KMO: variants seen among roughly 807,000 people sequenced by gnomAD.
KMO encodes the protein kynurenine 3-hydroxylase.
Under a neutral mutation model 57.8 loss-of-function variants are expected in KMO, and 24 were observed. That is an observed-to-expected ratio of 0.42 (90% confidence interval 0.30 to 0.58). The LOEUF is 0.58. KMO is among the 20% of genes least tolerant of loss of function. The pLI is 0.22. For synonymous variants in KMO, 210 were observed against 193.6 expected (o/e 1.08, Z -0.70); for missense variants, 483 against 588.2 (o/e 0.82, Z 1.85).
chr1:241,537,230 C>A (rs1233312325), intron 1 of KMO, among the ~76,000 whole-genome samples: 1 of 152,142 alleles, frequency 6.6e-6, no homozygotes, highest in Non-Finnish European at 1.5e-5. Flanking sequence ...CACTTTCTCG[C>A]TCACAGATCT....
intron 14 of KMO, among the ~76,000 whole-genome samples, chr1:241,591,212 G>A (rs1048448864): frequency 2.0e-5 from 3 of 152,100 alleles, no homozygotes; most frequent in South Asian, 4.1e-4. Context: ...CAGTAAGTGC[G>A]GGGATAGAAA....
intron 1 of KMO, among the ~76,000 whole-genome samples, chr1:241,538,917 A>G (rs1660847679): frequency 3.3e-5 from 5 of 152,130 alleles, no homozygotes; most frequent in Admixed American, 2.6e-4. Context: ...TCCTCCTCCC[A>G]AATACTCTCA....
Position 241,593,636 on chromosome 1 carries a change from G to A in KMO, c.*1483G>A, listed in dbSNP as rs575504304. On this transcript the variant is annotated 3_prime_UTR_variant, in exon 15 of 15. Coordinates refer to ENST00000366559, the MANE Select transcript of KMO (RefSeq NM_003679.5). ...GAAAAACAAACATAAATTTATTAGC[G>A]GGTATATGTAATATATATGTGGGAA... 17 of 217,144 alleles carry A rather than the reference G, an allele frequency of 7.8e-5. No individual in the cohort carries two copies. The East Asian group carries it at 1.1e-3, about 13-fold the overall frequency. 13.5% of individuals were successfully genotyped at this position (217,144 alleles called of 1,614,324 possible). A position where few individuals can be genotyped will look rare whatever the true frequency, so the allele number is the denominator to read the frequency against.
chr1:241,552,844 T>A (rs1286577291), intron 4 of KMO, among the ~76,000 whole-genome samples: 1 of 152,192 alleles, frequency 6.6e-6, no homozygotes, highest in Non-Finnish European at 1.5e-5. Flanking sequence ...CAGATTCTTC[T>A]TGTCTTGCTG....
chr1:241,537,706 CA>C (rs1405201717), intron 1 of KMO, among the ~76,000 whole-genome samples: 1 of 152,058 alleles, frequency 6.6e-6, no homozygotes, highest in Non-Finnish European at 1.5e-5. Context: ...TGGTGAAAGG[CA>C]AAAGGCATGT....
chr1:241,541,869 T>G (rs1289204502), intron 1 of KMO, among the ~76,000 whole-genome samples: 1 of 152,140 alleles, frequency 6.6e-6, no homozygotes, highest in African/African-American at 2.4e-5. Flanking sequence ...ATTTCAACAC[T>G]ATTAACAAGC....
At chr1:241,541,780 C>A (rs573690677) in intron 1 of KMO, among the ~76,000 whole-genome samples, 1 of 152,280 alleles carries the variant, frequency 6.6e-6, no homozygotes, top group Non-Finnish European at 1.5e-5. Context: ...AGTTAACAGT[C>A]TGATTCTTCT....
chr1:241,546,728 C>A (rs749055031), intron 1 of KMO, among the ~76,000 whole-genome samples: 1 of 152,128 alleles, frequency 6.6e-6, no homozygotes, highest in Non-Finnish European at 1.5e-5. Flanking sequence ...AGGCGATGAT[C>A]GCAAGTTTCA....
chr1:241,557,690 C>T (rs1485308899), intron 5 of KMO, among the ~76,000 whole-genome samples: 1 of 152,162 alleles, frequency 6.6e-6, no homozygotes, highest in Non-Finnish European at 1.5e-5. Flanking sequence ...CAGCCGGGTG[C>T]GGTGGCTCAC....
chr1:241,549,334 TGAAA>T (rs1344667391), intron 2 of KMO, among the ~76,000 whole-genome samples: 304 of 142,526 alleles, frequency 2.1e-3, no homozygotes, highest in African/African-American at 7.3e-3. Context: ...GAAAGAAAGA[TGAAA>T]AGAAAGAAAG....
chr1:241,558,967 G>C (rs530322077), intron 5 of KMO, among the ~76,000 whole-genome samples: 1 of 151,916 alleles, frequency 6.6e-6, no homozygotes, highest in Non-Finnish European at 1.5e-5. Context: ...ATAAAAATTA[G>C]CTGGGCGTGT....
At chr1:241,549,332 G>A (rs1661306334) in intron 2 of KMO, among the ~76,000 whole-genome samples, 1 of 151,338 alleles carries the variant, frequency 6.6e-6, no homozygotes, top group African/African-American at 2.4e-5. Flanking sequence ...AAGAAAGAAA[G>A]ATGAAAAGAA....
At chr1:241,541,135 G>T (rs1660943360) in intron 1 of KMO, among the ~76,000 whole-genome samples, 2 of 152,132 alleles carry the variant, frequency 1.3e-5, no homozygotes, top group African/African-American at 4.8e-5. Context: ...GGGAAAGAGG[G>T]TTATTAGAAA....
rs1662125808 is a variant in KMO, at chr1:241,567,435, TA to T, written c.809+825del. Among the ~76,000 whole-genome samples, 4 of 152,078 alleles carry T rather than the reference TA, an allele frequency of 2.6e-5. No individual in the cohort carries two copies. The South Asian group carries it at 8.3e-4, about 31-fold the overall frequency. On this transcript the variant is annotated intron_variant, in intron 9 of 14. Transcript: ENST00000366559. ...CCTTTTATAAAAGCACTAATCCCAC[TA>T]ATGGGGGGTCCACTCCCAAGACCTA...
At position 241,555,644 on chromosome 1, in the gene KMO, C is replaced by A; in HGVS notation, c.345C>A (p.Asn115Lys). ...TTTCTGTAAGCAGAGAAAATCTAAA[C>A]AAGGATCTATTGACTGGTAAGTCTA... ...YILSVSRENL[N>K]KDLLTAAEKY... is the part of the protein sequence containing the mutation. Residue 115 changes from asparagine to lysine, a missense_variant, in exon 5 of 15, where the codon AAC becomes AAA. By Grantham distance (94) the Asn-to-Lys change is moderately conservative. Coordinates refer to ENST00000366559, the MANE Select transcript of KMO (RefSeq NM_003679.5). The A allele has an allele frequency of 6.4e-7, 1 of 1,572,468 alleles. No individual in the cohort carries two copies.
chr1:241,565,155 T>G, intron 8 of KMO, 97 bp downstream of exon 8: 1 of 731,130 alleles, frequency 1.4e-6, no homozygotes, highest in Non-Finnish European at 2.4e-6. Context: ...CTAATTGATC[T>G]CTTCATTGTT....
chr1:241,550,032 A>C, intron 3 of KMO: 1 of 329,750 alleles, frequency 3.0e-6, no homozygotes, highest in Non-Finnish European at 5.5e-6. Context: ...CACTGCCTGT[A>C]GAAAGTGAGA....
In KMO at chr1:241,583,353, C is replaced by T. The variant is rs55684787; in HGVS notation, c.958-3326C>T. On this transcript the variant is annotated intron_variant, in intron 10 of 14. Coordinates refer to ENST00000366559, the MANE Select transcript of KMO (RefSeq NM_003679.5). ...CTCTTTAGTTAGCAGGTGGTGAACC[C>T]TGCCAGGACTCAGTCATTGCCTTCA... Among the ~76,000 whole-genome samples the T allele has an allele frequency of 3.5e-3, 532 of 152,288 alleles. 1 individual carries two copies. Among genetic ancestry groups the T allele is most frequent in the African/African-American group, 0.012 (516 of 41,562 alleles).
intron 10 of KMO, among the ~76,000 whole-genome samples, chr1:241,585,978 T>C (rs1662962848): frequency 6.6e-6 from 1 of 151,952 alleles, no homozygotes; most frequent in Admixed American, 6.6e-5. Context: ...TATCATTAAA[T>C]TGCTCTAAAT....
Sources: gnomAD v4.1 joint callset for allele counts (sites outside exome capture counted in the v4.1 genomes callset) on GRCh38, gnomAD v4.1.1 for gene constraint, MANE v1.5 for transcripts, NCBI Gene and HGNC (gene_info 2026-07-23, HGNC 2026-07-21) for gene names.